RAD51B: variants seen among roughly 807,000 people sequenced by gnomAD.
RAD51B encodes RAD51 paralog B.
In RAD51B, 38 loss-of-function variants were observed where a neutral mutation model predicts 42.2. The observed-to-expected ratio is 0.90, with a 90% CI of 0.70 to 1.18. The LOEUF is 1.18. Ranked by LOEUF, RAD51B falls within the 50% of genes most tolerant of loss-of-function variation. The probability of loss-of-function intolerance (pLI) is 0.00; values close to 1 mark genes in which losing one functional copy is unlikely to be tolerated. For missense variants in RAD51B, 373 were observed against 400.7 expected, an observed-to-expected ratio of 0.93 and a Z score of 0.59; for synonymous variants, 154 against 145.2, an observed-to-expected ratio of 1.06 and a Z score of -0.43.
intron 7 of RAD51B, among the ~76,000 whole-genome samples, chr14:68,011,909 T>C (rs1419845804): frequency 6.6e-6 from 1 of 152,174 alleles, no homozygotes; most frequent in Non-Finnish European, 1.5e-5. Context: ...ATAAACATTT[T>C]CTTGCAAAGC....
intron 10 of RAD51B, among the ~76,000 whole-genome samples, chr14:68,508,295 A>G (rs1199737861): frequency 1.3e-5 from 2 of 152,100 alleles, no homozygotes; most frequent in African/African-American, 2.4e-5. Context: ...GCAGGACTCT[A>G]AAGACTGGGA....
chr14:68,427,850 C>T (rs1362053184), intron 9 of RAD51B, among the ~76,000 whole-genome samples: 2 of 152,134 alleles, frequency 1.3e-5, no homozygotes, highest in African/African-American at 2.4e-5. Flanking sequence ...ATGGTTTGAA[C>T]ATGTCCCAAA....
intron 7 of RAD51B, among the ~76,000 whole-genome samples, chr14:68,073,994 T>C (rs1333501058): frequency 1.3e-5 from 2 of 152,204 alleles, no homozygotes; most frequent in Non-Finnish European, 2.9e-5. Flanking sequence ...ATTTGACGAC[T>C]GGGTGCTTTG....
At chr14:68,056,341 T>G (rs1380090597) in intron 7 of RAD51B, among the ~76,000 whole-genome samples, 1 of 151,748 alleles carries the variant, frequency 6.6e-6, no homozygotes, top group Non-Finnish European at 1.5e-5. Context: ...TAGAGATGGG[T>G]TTTTCTCATG....
chr14:68,106,873 A>C (rs2077384678), intron 7 of RAD51B, among the ~76,000 whole-genome samples: 2 of 151,916 alleles, frequency 1.3e-5, no homozygotes, highest in Admixed American at 6.6e-5. Context: ...ATAGTTAACA[A>C]GACAAAGTCC....
At chr14:68,541,575 C>T in intron 10 of RAD51B, 1 of 985,438 alleles carries the variant, frequency 1.0e-6, no homozygotes, top group Non-Finnish European at 1.2e-6. Context: ...TGCGGTATTC[C>T]TTGGGTATGT....
intron 7 of RAD51B, among the ~76,000 whole-genome samples, chr14:68,193,792 T>C (rs2079312896): frequency 6.6e-6 from 1 of 152,216 alleles, no homozygotes; most frequent in Non-Finnish European, 1.5e-5. Context: ...TGATTGAATG[T>C]GTTAATTTAG....
At chr14:67,869,152 C>T (rs1217197020) in intron 5 of RAD51B, among the ~76,000 whole-genome samples, 2 of 151,630 alleles carry the variant, frequency 1.3e-5, no homozygotes, top group African/African-American at 2.4e-5. Flanking sequence ...TACGGGAGGA[C>T]ATTCAAACCA....
intron 10 of RAD51B, among the ~76,000 whole-genome samples, chr14:68,471,493 A>T (rs2086123906): frequency 6.6e-6 from 1 of 152,094 alleles, no homozygotes; most frequent in Non-Finnish European, 1.5e-5. Flanking sequence ...AAGGATTAGG[A>T]TGCTGAGAAC....
chr14:67,873,974 A>G (rs1482166644), intron 5 of RAD51B, among the ~76,000 whole-genome samples: 2 of 150,554 alleles, frequency 1.3e-5, no homozygotes, highest in African/African-American at 4.9e-5. Context: ...GCATTGGGAG[A>G]TATACCTAAT....
intron 7 of RAD51B, among the ~76,000 whole-genome samples, chr14:67,930,059 T>C (rs1298798238): frequency 1.3e-5 from 2 of 152,212 alleles, no homozygotes; most frequent in Non-Finnish European, 2.9e-5. Context: ...TTTTTTCATT[T>C]ATTTACTTTG....
chr14:68,339,579 T>C (rs1183226255), intron 8 of RAD51B: 1 of 298,300 alleles, frequency 3.4e-6, no homozygotes, highest in African/African-American at 2.2e-5. Context: ...TCATCTAGCA[T>C]TATACCAAAT....
chr14:68,092,702 G>C (rs1034902867), intron 7 of RAD51B, among the ~76,000 whole-genome samples: 1 of 152,020 alleles, frequency 6.6e-6, no homozygotes, highest in African/African-American at 2.4e-5. Flanking sequence ...TCCTTTTCCT[G>C]CCTGATTGCC....
At chr14:67,974,880 T>C (rs1041347759) in intron 7 of RAD51B, among the ~76,000 whole-genome samples, 3 of 152,238 alleles carry the variant, frequency 2.0e-5, no homozygotes, top group East Asian at 3.8e-4. Context: ...TTTTAAAAGA[T>C]GTTCATCATC....
Position 68,575,905 on chromosome 14 carries a change from A to C in RAD51B, c.1037-18580A>C, listed in dbSNP as rs1889941344. Among the ~76,000 whole-genome samples, 3 of 152,268 alleles carry C rather than the reference A, an allele frequency of 2.0e-5. No homozygotes were observed. In the South Asian group the frequency reaches 6.2e-4, roughly 31 times the overall value. On this transcript the variant is annotated intron_variant, in intron 10 of 10. Coordinates refer to the RAD51B transcript ENST00000487270. ...TTTCAAAAGGATTTGACTAAGAAGA[A>C]TGTAGTGAAGGCACAACTTATAGAT...
intron 7 of RAD51B, among the ~76,000 whole-genome samples, chr14:67,961,126 C>G (rs2074656680): frequency 6.6e-6 from 1 of 152,104 alleles, no homozygotes; most frequent in Non-Finnish European, 1.5e-5. Context: ...CCCACCTCAA[C>G]CTCCCGAGTA....
chr14:68,315,734 G>A (rs1035157565), intron 8 of RAD51B, among the ~76,000 whole-genome samples: 2 of 152,102 alleles, frequency 1.3e-5, no homozygotes, highest in Non-Finnish European at 2.9e-5. Flanking sequence ...ATGTTAGCCA[G>A]GATAGTCTCC....
intron 9 of RAD51B, 94 bp from the exon 10 acceptor site, chr14:68,468,076 CTA>C (rs1329306116): frequency 9.6e-7 from 1 of 1,038,836 alleles, no homozygotes; most frequent in East Asian, 2.4e-5. Flanking sequence ...ACTTACAGTC[CTA>C]TGTTACCACT....
chr14:67,939,094 TA>T (rs1429399475), intron 7 of RAD51B, among the ~76,000 whole-genome samples: 1 of 152,142 alleles, frequency 6.6e-6, no homozygotes. Flanking sequence ...ACCGGGAAAT[TA>T]GAGCAAGTAA....
Sources: gnomAD v4.1 joint callset for allele counts (sites outside exome capture counted in the v4.1 genomes callset) on GRCh38, gnomAD v4.1.1 for gene constraint, MANE v1.5 for transcripts, NCBI Gene and HGNC (gene_info 2026-07-23, HGNC 2026-07-21) for gene names.